KCTD8: variants seen among roughly 807,000 people sequenced by gnomAD.
The protein encoded by KCTD8 is BTB/POZ domain-containing protein KCTD8.
Under a neutral mutation model 31.5 loss-of-function variants are expected in KCTD8, and 27 were observed. The observed-to-expected ratio is 0.86, with a 90% confidence interval of 0.63 to 1.18. The LOEUF is 1.18. Among genes scored for constraint, KCTD8 ranks in the 50% most tolerant of loss-of-function variants. The probability of loss-of-function intolerance (pLI) is 0.00; values close to 1 mark genes in which losing one functional copy is unlikely to be tolerated. For synonymous variants in KCTD8, 290 were observed against 280.0 expected (o/e 1.04, Z -0.36); for missense variants, 658 against 647.7 (o/e 1.02, Z -0.17).
At chr4:44,199,428 A>T (rs1173833337) in intron 1 of KCTD8, among the ~76,000 whole-genome samples, 1 of 152,054 alleles carries the variant, frequency 6.6e-6, no homozygotes. Context: ...GAGTAAATTC[A>T]AAAAAACTGA....
intron 1 of KCTD8, among the ~76,000 whole-genome samples, chr4:44,369,716 T>G (rs1435279688): frequency 6.6e-6 from 1 of 152,066 alleles, no homozygotes; most frequent in Non-Finnish European, 1.5e-5. Context: ...AGAGTCACCT[T>G]CAGCCAGGGG....
intron 1 of KCTD8, among the ~76,000 whole-genome samples, chr4:44,428,727 T>C (rs1285853587): frequency 2.0e-5 from 3 of 151,822 alleles, no homozygotes; most frequent in Admixed American, 2.0e-4. Flanking sequence ...AATAGAGGAA[T>C]GTGTCAAAGC....
chr4:44,425,386 T>C (rs1018433970), intron 1 of KCTD8, among the ~76,000 whole-genome samples: 2 of 152,072 alleles, frequency 1.3e-5, no homozygotes, highest in African/African-American at 4.8e-5. Flanking sequence ...AAATATCATA[T>C]AACAGTGCTT....
chr4:44,428,075 A>G (rs750274615), intron 1 of KCTD8, among the ~76,000 whole-genome samples: 6 of 151,786 alleles, frequency 4.0e-5, no homozygotes, highest in Non-Finnish European at 8.9e-5. Context: ...ATTCAGAGAC[A>G]GACCAGAGCA....
intron 1 of KCTD8, among the ~76,000 whole-genome samples, chr4:44,337,678 A>AAAT (rs1718786166): frequency 8.2e-6 from 1 of 122,416 alleles, no homozygotes; most frequent in African/African-American, 3.2e-5. Context: ...GATCTCAAAA[A>AAAT]ATATATATAT....
At chr4:44,296,578 C>G (rs1196073193) in intron 1 of KCTD8, among the ~76,000 whole-genome samples, 7 of 152,028 alleles carry the variant, frequency 4.6e-5, no homozygotes, top group Non-Finnish European at 1.0e-4. Flanking sequence ...AAGGATATCT[C>G]AGACACTGAA....
At chr4:44,267,524 A>G (rs1329962520) in intron 1 of KCTD8, among the ~76,000 whole-genome samples, 1 of 152,218 alleles carries the variant, frequency 6.6e-6, no homozygotes, top group South Asian at 2.1e-4. Flanking sequence ...AGCTAGCAGA[A>G]GGCAAGAAAT....
chr4:44,298,234 A>G (rs932172854), intron 1 of KCTD8, among the ~76,000 whole-genome samples: 19 of 152,094 alleles, frequency 1.2e-4, no homozygotes, highest in African/African-American at 4.6e-4. Context: ...TCCCAGACAT[A>G]CTGAGGCTCA....
intron 1 of KCTD8, among the ~76,000 whole-genome samples, chr4:44,205,948 CT>C (rs199922535): frequency 2.0e-5 from 3 of 151,958 alleles, no homozygotes; most frequent in Admixed American, 6.6e-5. Flanking sequence ...AAGCAAAATC[CT>C]TTTTTTTCTG....
intron 1 of KCTD8, among the ~76,000 whole-genome samples, chr4:44,281,898 T>A (rs1577591759): frequency 6.6e-6 from 1 of 152,232 alleles, no homozygotes; most frequent in South Asian, 2.1e-4. Flanking sequence ...ATATTTGAAA[T>A]ATTATTTCTA....
At chr4:44,241,996 A>T (rs1457104537) in intron 1 of KCTD8, among the ~76,000 whole-genome samples, 1 of 152,194 alleles carries the variant, frequency 6.6e-6, no homozygotes, top group African/African-American at 2.4e-5. Flanking sequence ...TTAATTTCTA[A>T]ATCAGTCAGA....
At chr4:44,381,371 G>T (rs1720060782) in intron 1 of KCTD8, among the ~76,000 whole-genome samples, 1 of 151,910 alleles carries the variant, frequency 6.6e-6, no homozygotes, top group Admixed American at 6.6e-5. Flanking sequence ...TTTCTGATTA[G>T]AAAGGAAAGT....
At chr4:44,305,222 T>C (rs1400701631) in intron 1 of KCTD8, among the ~76,000 whole-genome samples, 2 of 151,570 alleles carry the variant, frequency 1.3e-5, no homozygotes, top group South Asian at 2.1e-4. Flanking sequence ...AAAGTAAATA[T>C]ACATTAAAAT....
rs116535737 is a variant in KCTD8, at chr4:44,246,194, T to C, written c.962-70944A>G. ...GTATCTAGAAATCTAACCCCAACTT[T>C]TGCAAGAAGCTTCAAAATAAGCCAA... On this transcript the variant is annotated intron_variant, in intron 1 of 1. Transcript: ENST00000360029. 3.7e-3 allele frequency among the ~76,000 whole-genome samples: 561 copies of C among 152,084 alleles called. 5 individuals carry two copies. The highest frequency in any genetic ancestry group is 0.013 in the African/African-American group (537 of 41,536).
chr4:44,229,563 G>A (rs1167157086), intron 1 of KCTD8, among the ~76,000 whole-genome samples: 1 of 152,196 alleles, frequency 6.6e-6, no homozygotes, highest in Non-Finnish European at 1.5e-5. Context: ...ATGGGAAAGG[G>A]ATGCAAAATG....
At chr4:44,442,780 C>CGTATACACACACACAA (rs56772852) in intron 1 of KCTD8, among the ~76,000 whole-genome samples, 1 of 35,904 alleles carries the variant, frequency 2.8e-5, no homozygotes, top group Non-Finnish European at 7.1e-5. Context: ...GGTATACACA[C>CGTATACACACACACAA]ACACACACAC....
chr4:44,183,369 A>C (rs1207285138), intron 1 of KCTD8, among the ~76,000 whole-genome samples: 1 of 152,180 alleles, frequency 6.6e-6, no homozygotes, highest in East Asian at 1.9e-4. Context: ...TATTTAAGAA[A>C]ATAAAACACA....
At chr4:44,263,314 T>A (rs972750858) in intron 1 of KCTD8, among the ~76,000 whole-genome samples, 4 of 152,130 alleles carry the variant, frequency 2.6e-5, no homozygotes, top group Admixed American at 6.6e-5. Context: ...CAAACCATGA[T>A]CATATCTCTG....
chr4:44,326,773 C>A (rs910698076), intron 1 of KCTD8, among the ~76,000 whole-genome samples: 11 of 151,652 alleles, frequency 7.3e-5, no homozygotes, highest in Non-Finnish European at 1.0e-4. Context: ...GACTAATACT[C>A]CAGTCTTTCC....
Sources: allele counts gnomAD v4.1 joint callset (sites outside exome capture counted in the v4.1 genomes callset), GRCh38; gene constraint gnomAD v4.1.1; transcripts MANE v1.5; gene names NCBI Gene and HGNC (gene_info 2026-07-23, HGNC 2026-07-21).